Variants in MYH7 observed in about 807,000 individuals in gnomAD.
MYH7 encodes the protein myosin heavy chain 7, also known as myosin-7.
In MYH7, 129 loss-of-function variants were observed where a neutral mutation model predicts 225.4. That is an observed-to-expected ratio of 0.57 (90% CI 0.50 to 0.66). The LOEUF (loss-of-function observed/expected upper bound fraction) is 0.66. Among genes scored for constraint, MYH7 ranks in the 30% least tolerant of loss-of-function variants. MYH7 has a pLI of 0.00. For missense variants in MYH7, 1,649 were observed against 2,517.0 expected, an observed-to-expected ratio of 0.66 and a Z score of 7.38; for synonymous variants, 971 against 1,007.6, an observed-to-expected ratio of 0.96 and a Z score of 0.69.
In MYH7 at chr14:23,415,668, C is replaced by A; in HGVS notation, c.5118G>T (p.Leu1706=). 1 of 1,614,060 alleles carries A rather than the reference C, an allele frequency of 6.2e-7. No individual in the cohort carries two copies. The highest frequency in any genetic ancestry group is 8.5e-7 in the Non-Finnish European group (1 of 1,180,044). ...GCTGCACCCGCTCACTAGTCTCAAT[C>A]AGCTCCTGCTCCGCCAGCTTCCGGG... ...ERSRKLAEQE[L]IETSERVQLL... is the part of the protein sequence containing the mutation. The change falls in exon 35 of 40, where the codon CTG becomes CTT. Residue 1706 remains leucine, a synonymous_variant. Coordinates refer to ENST00000355349, the MANE Select transcript of MYH7 (RefSeq NM_000257.4). This position sits in a 1 kb window ranked among gnomAD's most constrained non-coding sequence, Gnocchi z 6.3.
At position 23,431,766 on chromosome 14, in the gene MYH7, C is replaced by T. The variant is rs1244877100; in HGVS notation, c.634G>A (p.Gly212Ser). 1.2e-6 allele frequency: 2 copies of T among 1,614,252 alleles called. No homozygotes were observed. Among genetic ancestry groups the T allele is most frequent in the Non-Finnish European group, 1.7e-6 (2 of 1,180,044 alleles). Residue 212 changes from glycine to serine, a missense_variant, in exon 7 of 40, where the codon GGC (glycine) becomes AGC (serine). Transcript: ENST00000355349. ...GDRSKKDQSP[G>S]KGTLEDQIIQ... Reference sequence around the variant, plus strand: ...TTGGAGGGCAGCAGGCCTACCTTGCCCGGGCTCTGGTCCTTCTTGCTGCGG... The same window carrying T: ...TTGGAGGGCAGCAGGCCTACCTTGCTCGGGCTCTGGTCCTTCTTGCTGCGG...
intron 24 of MYH7, 23 bp from the exon 25 acceptor site, chr14:23,422,348 C>G: frequency 6.2e-7 from 1 of 1,614,056 alleles, no homozygotes; most frequent in Non-Finnish European, 8.5e-7. Flanking sequence ...AGGAGCCAGG[C>G]CCAGTGAGGC....
intron 12 of MYH7, among the ~76,000 whole-genome samples, 166 bp downstream of exon 12, chr14:23,429,609 G>T (rs1035812991): frequency 6.6e-6 from 1 of 151,768 alleles, no homozygotes; most frequent in Non-Finnish European, 1.5e-5. Flanking sequence ...CCAGGATGTG[G>T]AGGTGGCAGT....
At chr14:23,417,049 G>A in intron 32 of MYH7, 57 bp from the exon 33 acceptor site, 1 of 1,614,100 alleles carries the variant, frequency 6.2e-7, no homozygotes, top group Non-Finnish European at 8.5e-7. Flanking sequence ...TGGAGTTGGA[G>A]GGACACGCCT....
At chr14:23,414,707 G>A (rs1220080909) in intron 37 of MYH7, among the ~76,000 whole-genome samples, 1 of 152,138 alleles carries the variant, frequency 6.6e-6, no homozygotes, top group Non-Finnish European at 1.5e-5. Flanking sequence ...CTACATATTT[G>A]CTTTCTGGTG....
rs759579652 is a variant in MYH7, at chr14:23,422,276, C to G, written c.3149G>C (p.Arg1050Pro). Residue 1050 changes from arginine to proline, a missense_variant, in exon 25 of 40, where the codon CGA becomes CCA. Transcript: ENST00000355349. ...GTCGCCCTCCAGCTTCCGCTTCGCT[C>G]GCTCCAGGTCCATGCGCACCTTCTT... The part of the protein sequence containing the change: ...QEKKVRMDLE[R>P]AKRKLEGDLK... 6.2e-7 allele frequency: 1 copy of G among 1,614,136 alleles called. No individual in the cohort carries two copies. The highest frequency in any genetic ancestry group is 8.5e-7 in the Non-Finnish European group (1 of 1,180,022).
Position 23,433,273 on chromosome 14 carries a change from C to G in MYH7, c.202-46G>C, listed in dbSNP as rs1221961724. 1 of 1,613,724 alleles carries G rather than the reference C, an allele frequency of 6.2e-7. No individual in the cohort carries two copies. The highest frequency in any genetic ancestry group is 1.7e-5 in the Admixed American group (1 of 59,972). On this transcript the variant is annotated intron_variant, in intron 3 of 39. Transcript: ENST00000355349. The surrounding 1 kb of genome is among the most constrained non-coding windows in gnomAD (Gnocchi z 4.1). ...GCCCTCCTGTCAGCCTGGGCTTTCC[C>G]TCCTTCCTCAAGAGGGTTAGGAGTT... is the stretch of plus-strand genomic sequence containing the variant.
chr14:23,432,243 T>C (rs1422608623), intron 6 of MYH7, among the ~76,000 whole-genome samples: 1 of 151,838 alleles, frequency 6.6e-6, no homozygotes. Context: ...AAACGCGTGA[T>C]GAGTTGGAGA....
Position 23,415,073 on chromosome 14 carries a change from C to T in MYH7, c.5481G>A (p.Glu1827=), listed in dbSNP as rs368848344. The part of the protein sequence containing the change: ...ARVRELENEL[E]AEQKRNAESV... ...ACTCTGCGTTGCGCTTCTGCTCGGC[C>T]TCCAGCTCATTCTCCAGCTCCCGCA... The change falls in exon 37 of 40, where the codon GAG becomes GAA. Residue 1827 remains glutamate (E), a synonymous_variant. Coordinates refer to ENST00000355349, the MANE Select transcript of MYH7 (RefSeq NM_000257.4). The surrounding 1 kb of genome is among the most constrained non-coding windows in gnomAD (Gnocchi z 6.3). 37 of 1,613,586 alleles carry T rather than the reference C, an allele frequency of 2.3e-5. No individual in the cohort carries two copies. The highest frequency in any genetic ancestry group is 2.8e-5 in the Non-Finnish European group (33 of 1,180,052).
chr14:23,422,058 G>T, intron 25 of MYH7, 122 bp downstream of exon 25: 1 of 1,474,222 alleles, frequency 6.8e-7, no homozygotes, highest in Non-Finnish European at 9.3e-7. Context: ...CTTTTCCCAT[G>T]GTTTGCGCCT....
At chr14:23,414,844 C>T in intron 37 of MYH7, 151 bp downstream of exon 37, 2 of 1,348,710 alleles carry the variant, frequency 1.5e-6, no homozygotes, top group South Asian at 2.6e-5. Context: ...AGGGGACATT[C>T]AGAGTGGGGC....
chr14:23,423,715 G>T lies in MYH7; in HGVS notation c.2931C>A (p.Asn977Lys). The change falls in exon 24 of 40, where the codon AAC (asparagine) becomes AAA (lysine). Residue 977 changes from asparagine to lysine, a missense_variant. Physicochemically the swap from Asn to Lys is moderately conservative, Grantham distance 94 (BLOSUM62 0). This residue lies in a region of MYH7 where 282 missense variants were observed against 315.3 expected (regional missense o/e 0.89). Coordinates refer to ENST00000355349, the MANE Select transcript of MYH7 (RefSeq NM_000257.4). ...EKHATENKVK[N>K]LTEEMAGLDE... ...CCAGCCCAGCCATCTCCTCTGTCAGGTTTTTCACCTGCCGACCAAGAATCC... is the reference window on the plus strand; with the variant it reads ...CCAGCCCAGCCATCTCCTCTGTCAGTTTTTTCACCTGCCGACCAAGAATCC... 6.2e-7 allele frequency: 1 copy of T among 1,614,020 alleles called. No individual in the cohort carries two copies. Among genetic ancestry groups the T allele is most frequent in the East Asian group, 2.2e-5 (1 of 44,872 alleles).
chr14:23,427,207 G>T, intron 17 of MYH7, 33 bp downstream of exon 17: 1 of 1,611,364 alleles, frequency 6.2e-7, no homozygotes, highest in South Asian at 1.1e-5. Context: ...GGCAGATGGG[G>T]AGCCAAGTTG....
At position 23,422,178 on chromosome 14, in the gene MYH7, A is replaced by G. The variant is rs113859723; in HGVS notation, c.3245+2T>C. 1 of 1,612,700 alleles carries G rather than the reference A, an allele frequency of 6.2e-7. No individual in the cohort carries two copies. The highest frequency in any genetic ancestry group is 8.5e-7 in the Non-Finnish European group (1 of 1,180,014). ...AAGGGCAGCAGGGAGGGGACACAGT[A>G]CTTTTTCAGCCGCTCATCCAGCTGC... On this transcript the variant is annotated splice_donor_variant, in intron 25 of 39. Coordinates refer to ENST00000355349, the MANE Select transcript of MYH7 (RefSeq NM_000257.4). LOFTEE classifies it high-confidence loss of function.
At chr14:23,422,075 G>A (rs917674503) in intron 25 of MYH7, 105 bp downstream of exon 25, 2 of 1,554,168 alleles carry the variant, frequency 1.3e-6, no homozygotes, top group Admixed American at 1.7e-5. Context: ...GCCTCCACTT[G>A]TGGAGGCTGC....
rs1892384621 is a variant in MYH7, at chr14:23,419,624, A to T, written c.3727-15T>A. The T allele has an allele frequency of 5.6e-6, 9 of 1,598,336 alleles. No individual in the cohort carries two copies. The highest frequency in any genetic ancestry group is 7.7e-6 in the Non-Finnish European group (9 of 1,168,542). ...TCCAGGTTAGCCTGAGAAGGGAAGG[A>T]GAGTTATATGATGGATGTTGGGGGC... is the stretch of plus-strand genomic sequence containing the variant. On this transcript the variant is annotated splice_polypyrimidine_tract_variant and intron_variant, in intron 27 of 39. Transcript: ENST00000355349.
chr14:23,420,095 A>G lies in MYH7; in HGVS notation c.3476T>C (p.Val1159Ala), dbSNP rs1395277862. 6.2e-7 allele frequency: 1 copy of G among 1,602,504 alleles called. No homozygotes were observed. Among genetic ancestry groups the G allele is most frequent in the Admixed American group, 1.7e-5 (1 of 59,410 alleles). The change falls in exon 27 of 40, where the codon GTG (valine) becomes GCG (alanine). Residue 1159 changes from valine to alanine, a missense_variant. This residue lies in a region of MYH7 where 106 missense variants were observed against 198.8 expected (regional missense o/e 0.53). Coordinates refer to ENST00000355349, the MANE Select transcript of MYH7 (RefSeq NM_000257.4). ...RLEEAGGATSVQIEMNKKREA... is the reference protein window; with the variant it reads ...RLEEAGGATSAQIEMNKKREA... ...GCGCTTCTTGTTCATCTCGATCTGC[A>G]CGGACGTGGCCCCGCCGGCCTCTTC...
At position 23,429,360 on chromosome 14, in the gene MYH7, G is replaced by A. The variant is rs1057524644; in HGVS notation, c.1139-13C>T. ...GACTTGTCAGCCTCTGGAAGGAAAAGGCAAGTAGCAAAGTTGGTAAAGAGA... is the reference window on the plus strand; with the variant it reads ...GACTTGTCAGCCTCTGGAAGGAAAAAGCAAGTAGCAAAGTTGGTAAAGAGA... On this transcript the variant is annotated splice_polypyrimidine_tract_variant and intron_variant, in intron 12 of 39. Coordinates refer to ENST00000355349, the MANE Select transcript of MYH7 (RefSeq NM_000257.4). 1 of 1,609,970 alleles carries A rather than the reference G, an allele frequency of 6.2e-7. No homozygotes were observed. Among genetic ancestry groups the A allele is most frequent in the Non-Finnish European group, 8.5e-7 (1 of 1,176,376 alleles).
At chr14:23,428,105 A>G (rs527742315) in intron 15 of MYH7, among the ~76,000 whole-genome samples, 2 of 152,308 alleles carry the variant, frequency 1.3e-5, no homozygotes, top group South Asian at 2.1e-4. Context: ...GTCTGGGAAT[A>G]TGGATTCTAT....
Sources: gnomAD v4.1 joint callset for allele counts (sites outside exome capture counted in the v4.1 genomes callset) on GRCh38, gnomAD v4.1.1 for gene constraint, gnomAD v4.1.1 regional missense constraint, Gnocchi (gnomAD v3.1) non-coding constraint, MANE v1.5 for transcripts, NCBI Gene and HGNC (gene_info 2026-07-23, HGNC 2026-07-21) for gene names.